Variants in RYR2 observed in about 807,000 individuals in gnomAD.
RYR2 encodes the protein ryanodine receptor 2, also known as cardiac muscle ryanodine receptor-calcium release channel.
A neutral mutation model predicts 601.1 loss-of-function variants in RYR2; 227 were observed. That is an observed-to-expected ratio of 0.38 (90% CI 0.34 to 0.42). RYR2 has a LOEUF of 0.42. RYR2 is among the 10% of genes least tolerant of loss of function. The pLI is 1.00. For missense variants in RYR2, 4,646 were observed against 6,156.5 expected, an observed-to-expected ratio of 0.75 and a Z score of 8.21; for synonymous variants, 2,223 against 2,175.1, an observed-to-expected ratio of 1.02 and a Z score of -0.61.
chr1:237,481,808 G>T (rs1662126135), intron 17 of RYR2, among the ~76,000 whole-genome samples: 2 of 62,140 alleles, frequency 3.2e-5, no homozygotes, highest in Non-Finnish European at 2.7e-5. Context: ...TTGCTGTGTA[G>T]CAAAAAAAAA....
At chr1:237,430,715 T>C (rs548196821) in intron 12 of RYR2, among the ~76,000 whole-genome samples, 2 of 152,360 alleles carry the variant, frequency 1.3e-5, no homozygotes, top group South Asian at 4.1e-4. Context: ...CATTTTTGAT[T>C]TGTTTATTTA....
At chr1:237,603,103 C>T (rs547560211) in intron 35 of RYR2, among the ~76,000 whole-genome samples, 68 of 152,234 alleles carry the variant, frequency 4.5e-4, no homozygotes, top group South Asian at 8.3e-4. Context: ...GGGTAAACGG[C>T]GGGAGTAACT....
At position 237,253,057 on chromosome 1, in the gene RYR2, C is replaced by T. The variant is rs190816000; in HGVS notation, c.49-17440C>T. On this transcript the variant is annotated intron_variant, in intron 1 of 104. Coordinates refer to ENST00000366574, the MANE Select transcript of RYR2 (RefSeq NM_001035.3). ...GTACACGCCTGTAATCCCAGATACT[C>T]GGGAGGCTGAGGCAGCAGAATCGCT... 1.5e-3 allele frequency among the ~76,000 whole-genome samples: 226 copies of T among 150,232 alleles called. 1 individual carries two copies. The highest frequency in any genetic ancestry group is 5.2e-3 in the African/African-American group (213 of 40,878).
intron 14 of RYR2, among the ~76,000 whole-genome samples, chr1:237,447,220 C>T (rs1330385546): frequency 6.6e-6 from 1 of 152,112 alleles, no homozygotes; most frequent in Non-Finnish European, 1.5e-5. Context: ...GTTTTGAAAA[C>T]TATTTTGTGG....
chr1:237,518,178 G>A (rs1666744833), intron 24 of RYR2, among the ~76,000 whole-genome samples: 1 of 151,760 alleles, frequency 6.6e-6, no homozygotes, highest in Non-Finnish European at 1.5e-5. Flanking sequence ...AGCTACCATT[G>A]TTTCCCACCT....
At chr1:237,056,296 GA>G (rs1662035814) in intron 1 of RYR2, among the ~76,000 whole-genome samples, 1 of 143,620 alleles carries the variant, frequency 7.0e-6, no homozygotes, top group African/African-American at 2.6e-5. Flanking sequence ...GTGAGGACTG[GA>G]ACACTGCACC....
intron 1 of RYR2, among the ~76,000 whole-genome samples, chr1:237,234,321 A>G (rs930438667): frequency 3.9e-5 from 6 of 152,068 alleles, no homozygotes; most frequent in African/African-American, 1.4e-4. Context: ...TTCCTCTATC[A>G]TCCCCCACTA....
intron 40 of RYR2, among the ~76,000 whole-genome samples, chr1:237,627,110 G>A (rs909487650): frequency 6.6e-6 from 1 of 152,150 alleles, no homozygotes; most frequent in African/African-American, 2.4e-5. Context: ...GCCTCATCGT[G>A]CATAAATTGG....
chr1:237,756,347 C>T lies in RYR2; in HGVS notation c.11205C>T (p.Gly3735=), dbSNP rs756763032. 12 of 1,613,264 alleles carry T rather than the reference C, an allele frequency of 7.4e-6. No individual in the cohort carries two copies. In the Admixed American group the frequency reaches 8.3e-5, roughly 11 times the overall value. The change falls in exon 81 of 105, where the codon GGC becomes GGT. Residue 3735 remains glycine, a synonymous_variant. Transcript: ENST00000366574. ...LYQQARLHDR[G]AAEMVLQTIS... ...AGCAAGCCCGACTCCACGATCGTGG[C>T]GCGGCTGAGATGGTGCTACAGACAA...
At chr1:237,428,435 A>T (rs935618111) in intron 12 of RYR2, among the ~76,000 whole-genome samples, 23 of 152,216 alleles carry the variant, frequency 1.5e-4, no homozygotes, top group African/African-American at 5.5e-4. Flanking sequence ...GAATGAGATA[A>T]TGTCCTTTGA....
At chr1:237,211,929 CAAAT>C (rs1452230427) in intron 1 of RYR2, among the ~76,000 whole-genome samples, 6 of 152,048 alleles carry the variant, frequency 3.9e-5, no homozygotes, top group Admixed American at 6.6e-5. Flanking sequence ...ATTATTGAAA[CAAAT>C]GAAGTTAATT....
intron 2 of RYR2, among the ~76,000 whole-genome samples, chr1:237,274,973 G>A (rs1160785598): frequency 6.6e-6 from 1 of 151,788 alleles, no homozygotes; most frequent in Non-Finnish European, 1.5e-5. Context: ...TACACTCCAT[G>A]ATGTACACAT....
At chr1:237,200,772 A>G (rs1204428634) in intron 1 of RYR2, among the ~76,000 whole-genome samples, 1 of 152,250 alleles carries the variant, frequency 6.6e-6, no homozygotes, top group East Asian at 1.9e-4. Context: ...TACGTTTTCT[A>G]TAACTGTAGT....
chr1:237,069,969 C>T (rs764689037), intron 1 of RYR2, among the ~76,000 whole-genome samples: 2 of 150,880 alleles, frequency 1.3e-5, no homozygotes, highest in African/African-American at 2.4e-5. Flanking sequence ...TTCCATTGCT[C>T]ATTATAAACT....
chr1:237,752,421 G>T (rs1364733301), intron 80 of RYR2, among the ~76,000 whole-genome samples: 3 of 151,382 alleles, frequency 2.0e-5, no homozygotes, highest in African/African-American at 7.3e-5. Flanking sequence ...AAGTGCTGAG[G>T]TTACAGGCAT....
In RYR2 at chr1:237,792,145, C is replaced by A; in HGVS notation, c.13604C>A (p.Thr4535Lys). Residue 4535 changes from threonine to lysine, a missense_variant, in exon 94 of 105, where the codon ACG becomes AAG. Thr to Lys is a moderately conservative substitution (Grantham distance 78). This residue lies in a region of RYR2 where 364 missense variants were observed against 442.9 expected (regional missense o/e 0.82). Coordinates refer to ENST00000366574, the MANE Select transcript of RYR2 (RefSeq NM_001035.3). ...GTGGTTGAAGGAAAGGAGCTCCCCA[C>A]GAGAAGTTCAAGTGAAAATGCCAAA... ...SSVVEGKELP[T>K]RSSSENAKVT... is the part of the protein sequence containing the mutation. 2 of 1,608,170 alleles carry A rather than the reference C, an allele frequency of 1.2e-6. No homozygotes were observed. Among genetic ancestry groups the A allele is most frequent in the Non-Finnish European group, 8.5e-7 (1 of 1,177,162 alleles).
intron 3 of RYR2, among the ~76,000 whole-genome samples, chr1:237,335,175 T>C (rs2149587707): frequency 6.6e-6 from 1 of 152,234 alleles, no homozygotes; most frequent in East Asian, 1.9e-4. Flanking sequence ...GCCGCAGCAG[T>C]GTTAGAATAG....
chr1:237,422,971 TA>T, intron 11 of RYR2, 120 bp from the exon 12 acceptor site: 1 of 1,149,922 alleles, frequency 8.7e-7, no homozygotes, highest in Non-Finnish European at 1.2e-6. Context: ...ACTAATATCC[TA>T]AGTTTTTTGA....
At position 237,595,566 on chromosome 1, in the gene RYR2, A is replaced by C. The variant is rs769604342; in HGVS notation, c.4505A>C (p.Asn1502Thr). ...ESMSPGQGRN[N>T]NGLEIGCVVD... The stretch of plus-strand genomic sequence containing the variant: ...ATGAGCCCCGGGCAAGGACGCAACA[A>C]TAATGGACTGGAGATTGGCTGTGTG... Residue 1502 changes from asparagine to threonine, a missense_variant, in exon 34 of 105, where the codon AAT becomes ACT. Asn to Thr is a moderately conservative substitution (Grantham distance 65). Coordinates refer to ENST00000366574, the MANE Select transcript of RYR2 (RefSeq NM_001035.3). 1 of 1,613,714 alleles carries C rather than the reference A, an allele frequency of 6.2e-7. No homozygotes were observed. Among genetic ancestry groups the C allele is most frequent in the Non-Finnish European group, 8.5e-7 (1 of 1,179,748 alleles).
Sources: gnomAD v4.1 joint callset for allele counts (sites outside exome capture counted in the v4.1 genomes callset) on GRCh38, gnomAD v4.1.1 for gene constraint, gnomAD v4.1.1 regional missense constraint, MANE v1.5 for transcripts, NCBI Gene and HGNC (gene_info 2026-07-23, HGNC 2026-07-21) for gene names.